The following SERGEF variants were observed in gnomAD, a reference collection of about 807,000 sequenced individuals.
SERGEF encodes the protein secretion-regulating guanine nucleotide exchange factor.
In SERGEF, 51 loss-of-function variants were observed where a neutral mutation model predicts 50.0. The observed-to-expected ratio is 1.02, with a 90% CI of 0.81 to 1.29. SERGEF has a LOEUF of 1.29. SERGEF is among the 50% of genes most tolerant of loss of function. The pLI is 0.00. For missense variants in SERGEF, 521 were observed against 557.0 expected (o/e 0.94, Z 0.65); for synonymous variants, 205 against 212.4 (o/e 0.97, Z 0.30).
In SERGEF at chr11:17,852,858, C is replaced by T. The variant is rs992034766; in HGVS notation, c.1048+25350G>A. Among the ~76,000 whole-genome samples the T allele has an allele frequency of 5.3e-5, 8 of 152,254 alleles. No individual in the cohort carries two copies. In the East Asian group the frequency reaches 1.2e-3, roughly 22 times the overall value. On this transcript the variant is annotated intron_variant, in intron 10 of 10. Coordinates refer to ENST00000265965, the MANE Select transcript of SERGEF (RefSeq NM_012139.4). ...TCAGACCGTGGGTAGGATAAGAACC[C>T]AGGTCTCCTAATTCTCGCTCAGTGC...
Position 17,834,254 on chromosome 11 carries a change from T to C in SERGEF, c.1048+43954A>G, listed in dbSNP as rs142075372. Among the ~76,000 whole-genome samples, 34 of 152,286 alleles carry C rather than the reference T, an allele frequency of 2.2e-4. No homozygotes were observed. The East Asian group carries it at 4.1e-3, about 18-fold the overall frequency. ...TCCCCTGCACAAGCTCTCTCATTTT[T>C]TTGCCTGTCTACCACCCACGTAAGA... On this transcript the variant is annotated intron_variant, in intron 10 of 10. Transcript: ENST00000265965.
At position 17,966,266 on chromosome 11, in the gene SERGEF, C is replaced by T. The variant is rs114982351; in HGVS notation, c.845-6630G>A. ...AAAAAGAAATGAGTAAAAGGAACAA[C>T]GGAGAAGAAAGATGAAGCAAGATTC... On this transcript the variant is annotated intron_variant, in intron 8 of 10. Coordinates refer to ENST00000265965, the MANE Select transcript of SERGEF (RefSeq NM_012139.4). Among the ~76,000 whole-genome samples, 1,251 of 151,852 alleles carry T rather than the reference C, an allele frequency of 8.2e-3. 18 individuals are homozygous for T. The highest frequency in any genetic ancestry group is 0.028 in the African/African-American group (1,165 of 41,360).
chr11:17,875,940 A>G (rs1391973899), intron 10 of SERGEF, among the ~76,000 whole-genome samples: 1 of 152,234 alleles, frequency 6.6e-6, no homozygotes, highest in African/African-American at 2.4e-5. Context: ...AAAGCAGGCA[A>G]AGGCAGTAGG....
intron 9 of SERGEF, among the ~76,000 whole-genome samples, chr11:17,927,804 T>C (rs1410439354): frequency 6.6e-6 from 1 of 152,244 alleles, no homozygotes; most frequent in Non-Finnish European, 1.5e-5. Context: ...CCCCAAGTGA[T>C]TGCACACACA....
chr11:17,846,271 C>T lies in SERGEF; in HGVS notation c.1048+31937G>A, dbSNP rs2237941. ...AACAAGCTCATGTCCACCTGTGTAT[C>T]GCCAATGAGTGCCTTGCAATTTGCC... On this transcript the variant is annotated intron_variant, in intron 10 of 10. Coordinates refer to ENST00000265965, the MANE Select transcript of SERGEF (RefSeq NM_012139.4). Among the ~76,000 whole-genome samples, 2,707 of 152,294 alleles carry T rather than the reference C, an allele frequency of 0.018. 187 individuals are homozygous for T. In the East Asian group the frequency reaches 0.23, roughly 13 times the overall value.
chr11:17,936,086 T>C (rs1009245214), intron 9 of SERGEF, among the ~76,000 whole-genome samples: 3 of 152,202 alleles, frequency 2.0e-5, no homozygotes, highest in African/African-American at 7.2e-5. Context: ...CTATCTATTC[T>C]TTTAATAGCA....
At chr11:17,992,791 C>T (rs1853744685) in intron 7 of SERGEF, 140 bp downstream of exon 7, 1 of 706,270 alleles carries the variant, frequency 1.4e-6, no homozygotes, top group Admixed American at 2.8e-5. Flanking sequence ...AGTAATTTGC[C>T]TAAGAGCATA....
At chr11:17,899,585 T>C (rs1483393084) in intron 9 of SERGEF, among the ~76,000 whole-genome samples, 1 of 152,180 alleles carries the variant, frequency 6.6e-6, no homozygotes, top group African/African-American at 2.4e-5. Flanking sequence ...AACAGGAATA[T>C]GTAAGAAACT....
chr11:17,961,249 C>G (rs868082131), intron 8 of SERGEF, among the ~76,000 whole-genome samples: 3 of 152,170 alleles, frequency 2.0e-5, no homozygotes, highest in Non-Finnish European at 4.4e-5. Flanking sequence ...CTAGTCACTG[C>G]ATAATCACTC....
At chr11:17,921,958 C>A (rs1852164630) in intron 9 of SERGEF, among the ~76,000 whole-genome samples, 1 of 152,146 alleles carries the variant, frequency 6.6e-6, no homozygotes, top group Non-Finnish European at 1.5e-5. Flanking sequence ...GCTGAGCTTG[C>A]CTTGTAGCCC....
Position 17,788,413 on chromosome 11 carries a change from C to T in SERGEF, c.1049G>A (p.Gly350Asp). The T allele has an allele frequency of 5.0e-6, 8 of 1,598,794 alleles. No individual in the cohort carries two copies. The highest frequency in any genetic ancestry group is 6.8e-6 in the Non-Finnish European group (8 of 1,168,940). The change falls in exon 11 of 11, where the codon GGT becomes GAT. Residue 350 changes from glycine to aspartate, a missense_variant and splice_region_variant. Coordinates refer to ENST00000265965, the MANE Select transcript of SERGEF (RefSeq NM_012139.4). ...CGSEHNLAII[G>D]GVCYSWGWNE... ...CCAGCCCCAAGAGTAACACACTCCA[C>T]CTGTGAAGGAGAGGGAAGACTGCTG...
chr11:17,886,648 T>C (rs1320319593), intron 9 of SERGEF, among the ~76,000 whole-genome samples: 1 of 152,136 alleles, frequency 6.6e-6, no homozygotes, highest in African/African-American at 2.4e-5. Context: ...AAAAAAACCT[T>C]CTTCAGTATA....
At chr11:18,009,689 G>C (rs575669400) in intron 1 of SERGEF, among the ~76,000 whole-genome samples, 1 of 151,964 alleles carries the variant, frequency 6.6e-6, no homozygotes, top group Non-Finnish European at 1.5e-5. Context: ...TCCAGTAAGG[G>C]GACAGATTTC....
Position 17,788,197 on chromosome 11 carries a change from A to G in SERGEF, c.1265T>C (p.Ile422Thr). ...GGCTTTCTGAGATTCAGTGTCCTCG[A>G]TGGCATCTGGGGAAAGGTAGGTGAC... The part of the protein sequence containing the change: ...PKVTYLSPDA[I>T]EDTESQKAMD... Residue 422 changes from isoleucine to threonine, a missense_variant, in exon 11 of 11, where the codon ATC becomes ACC. By Grantham distance (89) the Ile-to-Thr change is moderately conservative. Coordinates refer to ENST00000265965, the MANE Select transcript of SERGEF (RefSeq NM_012139.4). The G allele has an allele frequency of 1.2e-6, 2 of 1,607,304 alleles. No homozygotes were observed. The highest frequency in any genetic ancestry group is 2.2e-5 in the South Asian group (2 of 90,814).
chr11:17,995,963 A>G, intron 5 of SERGEF, 54 bp from the exon 6 acceptor site: 1 of 1,296,380 alleles, frequency 7.7e-7, no homozygotes, highest in Non-Finnish European at 1.1e-6. Flanking sequence ...GGATAAGACT[A>G]GATTGCTCTT....
chr11:17,946,667 G>C (rs985652745), intron 9 of SERGEF, among the ~76,000 whole-genome samples: 1 of 152,168 alleles, frequency 6.6e-6, no homozygotes, highest in Non-Finnish European at 1.5e-5. Context: ...ATTTCACCTT[G>C]AGGGGTGCAA....
chr11:17,926,145 G>T (rs950221086), intron 9 of SERGEF, among the ~76,000 whole-genome samples: 1 of 151,958 alleles, frequency 6.6e-6, no homozygotes, highest in Non-Finnish European at 1.5e-5. Flanking sequence ...CAGGTCTATG[G>T]TCTCAAGCCA....
At chr11:17,882,195 C>T (rs924969448) in intron 9 of SERGEF, among the ~76,000 whole-genome samples, 1 of 152,062 alleles carries the variant, frequency 6.6e-6, no homozygotes, top group East Asian at 1.9e-4. Context: ...GCGGGGGGAT[C>T]GTTTGAGGCC....
At chr11:17,916,500 C>T (rs1852050812) in intron 9 of SERGEF, among the ~76,000 whole-genome samples, 1 of 152,142 alleles carries the variant, frequency 6.6e-6, no homozygotes, top group South Asian at 2.1e-4. Flanking sequence ...AGATTAGAAT[C>T]AAAGTAGAGA....
Sources: gnomAD v4.1 joint callset for allele counts (sites outside exome capture counted in the v4.1 genomes callset) on GRCh38, gnomAD v4.1.1 for gene constraint, MANE v1.5 for transcripts, NCBI Gene and HGNC (gene_info 2026-07-23, HGNC 2026-07-21) for gene names.